RYR1: variants seen among roughly 807,000 people sequenced by gnomAD.
The protein encoded by RYR1 is central core disease of muscle.
RYR1 carries 342 observed loss-of-function variants against 583.5 expected under a neutral mutation model. That is an observed-to-expected ratio of 0.59 (90% confidence interval 0.54 to 0.64). The LOEUF (loss-of-function observed/expected upper bound fraction) is 0.64. Ranked by LOEUF, RYR1 falls within the 30% of genes least tolerant of loss-of-function variation. The pLI is 0.00. For synonymous variants in RYR1, 2,791 were observed against 2,822.5 expected (o/e 0.99, Z 0.35); for missense variants, 6,032 against 6,917.2 (o/e 0.87, Z 4.54).
At chr19:38,464,834 G>A (rs1041792972) in intron 23 of RYR1, 112 bp downstream of exon 23, 19 of 909,568 alleles carry the variant, frequency 2.1e-5, no homozygotes, top group Admixed American at 8.1e-5. Flanking sequence ...TAGGGAGGAA[G>A]GAGACTTGGG....
chr19:38,511,757 T>A, intron 61 of RYR1, 147 bp downstream of exon 61: 2 of 1,026,690 alleles, frequency 1.9e-6, no homozygotes, highest in Non-Finnish European at 3.0e-6. Flanking sequence ...ATCCGGGGGG[T>A]AGGGCAGTGA....
intron 29 of RYR1, 148 bp downstream of exon 29, chr19:38,475,598 C>T (rs1218320931): frequency 9.6e-7 from 1 of 1,037,804 alleles, no homozygotes; most frequent in African/African-American, 1.6e-5. Flanking sequence ...AAATATGGCA[C>T]ACACAGATTT....
At position 38,543,873 on chromosome 19, in the gene RYR1, C is replaced by G. The variant is rs1972311901; in HGVS notation, c.12010C>G (p.Gln4004Glu). ...CGCCCACATGATGATGAAGCTCGCT[C>G]AGGTTCGAGCCCCTCTGGTCTCCAT... ...VFAHMMMKLA[Q>E]DSSQIELLKE... Residue 4004 changes from glutamine to glutamate, a missense_variant and splice_region_variant, in exon 87 of 106, where the codon CAG becomes GAG. Physicochemically the swap from Gln to Glu is conservative, Grantham distance 29. Coordinates refer to ENST00000359596, the MANE Select transcript of RYR1 (RefSeq NM_000540.3). The surrounding 1 kb of genome is among the most constrained non-coding windows in gnomAD (Gnocchi z 4.4). 6.2e-7 allele frequency: 1 copy of G among 1,612,706 alleles called. No homozygotes were observed. Among genetic ancestry groups the G allele is most frequent in the Non-Finnish European group, 8.5e-7 (1 of 1,179,844 alleles).
chr19:38,497,721 C>G (rs1017038238), intron 42 of RYR1, among the ~76,000 whole-genome samples: 4 of 152,150 alleles, frequency 2.6e-5, no homozygotes, highest in African/African-American at 9.7e-5. Context: ...CATCTATAAT[C>G]CCAGCACTTT....
In RYR1 at chr19:38,565,090, G is replaced by A; in HGVS notation, c.12756G>A (p.Glu4252=). 1 of 1,552,410 alleles carries A rather than the reference G, an allele frequency of 6.4e-7. No homozygotes were observed. The highest frequency in any genetic ancestry group is 8.7e-7 in the Non-Finnish European group (1 of 1,151,316). The change falls in exon 91 of 106, where the codon GAG becomes GAA. Residue 4252 remains glutamate, a synonymous_variant. Coordinates refer to ENST00000359596, the MANE Select transcript of RYR1 (RefSeq NM_000540.3). This position sits in a 1 kb window ranked among gnomAD's most constrained non-coding sequence, Gnocchi z 4.7. ...FEMQIAAQIS[E]PEGEPETDED... ...TGCAGATCGCCGCGCAGATCTCGGA[G>A]CCCGAGGGCGAGCCGGAGACCGACG...
At chr19:38,548,442 G>T (rs770452959) in intron 89 of RYR1, 22 bp downstream of exon 89, 2 of 1,609,888 alleles carry the variant, frequency 1.2e-6, no homozygotes. Flanking sequence ...ACATCGTGTG[G>T]GCCCAGGACT....
In RYR1 at chr19:38,504,158, C is replaced by T. The variant is rs1209957215; in HGVS notation, c.7927-62C>T. The T allele has an allele frequency of 1.9e-5, 29 of 1,551,082 alleles. No individual in the cohort carries two copies. In the Middle Eastern group the frequency reaches 5.3e-4, roughly 28 times the overall value. ...GCATGCCTGTGTCTCTCTGGGCCTT[C>T]GTCTGCCTGCCATTCGCTGGTGCCC... On this transcript the variant is annotated intron_variant, in intron 49 of 105. Transcript: ENST00000359596.
rs766913515 is a variant in RYR1, at chr19:38,504,889, C to A, written c.8209C>A (p.Pro2737Thr). Residue 2737 changes from proline (P) to threonine (T), a missense_variant, in exon 51 of 106, where the codon CCC becomes ACC. This residue lies in a region of RYR1 where 1,493 missense variants were observed against 1,715.5 expected (regional missense o/e 0.87). Transcript: ENST00000359596. ...ATVDAEGNFDPRPVETLNVII... is the reference protein window; with the variant it reads ...ATVDAEGNFDTRPVETLNVII... ...AGTGGATGCTGAAGGCAACTTTGAT[C>A]CCCGGCCTGTGGAGACCCTCAAGTG... The A allele has an allele frequency of 6.2e-7, 1 of 1,614,004 alleles. No individual in the cohort carries two copies. The highest frequency in any genetic ancestry group is 2.2e-5 in the East Asian group (1 of 44,876).
chr19:38,463,335 A>T, intron 20 of RYR1, 88 bp from the exon 21 acceptor site: 1 of 1,129,440 alleles, frequency 8.9e-7, no homozygotes, highest in Non-Finnish European at 1.3e-6. Flanking sequence ...GGAGCCTCCC[A>T]GGGCTCACAG....
Position 38,528,289 on chromosome 19 carries a change from T to C in RYR1, c.10825-17T>C, listed in dbSNP as rs2145722342. 6.2e-7 allele frequency: 1 copy of C among 1,607,030 alleles called. No homozygotes were observed. On this transcript the variant is annotated splice_polypyrimidine_tract_variant and intron_variant, in intron 73 of 105. Transcript: ENST00000359596. The stretch of plus-strand genomic sequence containing the variant: ...GCAGGGTCTGGGGATGTGACTGTCC[T>C]GCTATCCCCTCCCCAGACCGAGCAC...
chr19:38,535,404 T>C lies in RYR1; in HGVS notation c.11516+12T>C, dbSNP rs756418815. The C allele has an allele frequency of 3.7e-6, 6 of 1,606,680 alleles. No homozygotes were observed. The highest frequency in any genetic ancestry group is 3.3e-5 in the Admixed American group (2 of 59,988). On this transcript the variant is annotated intron_variant, in intron 81 of 105. Coordinates refer to ENST00000359596, the MANE Select transcript of RYR1 (RefSeq NM_000540.3). ...ATGCAAACATGCAGGTAGGTTCGAGTGGACCTCTTCTTGTTAAGCTGTGTT... is the reference window on the plus strand; with the variant it reads ...ATGCAAACATGCAGGTAGGTTCGAGCGGACCTCTTCTTGTTAAGCTGTGTT...
intron 19 of RYR1, among the ~76,000 whole-genome samples, chr19:38,459,560 T>C (rs1254698802): frequency 6.6e-6 from 1 of 152,150 alleles, no homozygotes; most frequent in Non-Finnish European, 1.5e-5. Context: ...GTCCTTCCAG[T>C]AACCTCTGAG....
rs1199015511 is a variant in RYR1, at chr19:38,499,490, A to G, written c.7028-145A>G. ...AGAGGTGTTGGGTCCTGGGGCTGGC[A>G]GGGGCCTGGTGTTACCTCTGGAGGT... On this transcript the variant is annotated intron_variant, in intron 43 of 105. Coordinates refer to ENST00000359596, the MANE Select transcript of RYR1 (RefSeq NM_000540.3). The surrounding 1 kb of genome is among the most constrained non-coding windows in gnomAD (Gnocchi z 7.3). 6 of 972,506 alleles carry G rather than the reference A, an allele frequency of 6.2e-6. 1 individual carries two copies. In the Admixed American group the frequency reaches 1.3e-4, roughly 22 times the overall value. 60.2% of individuals were successfully genotyped at this position (972,506 alleles called of 1,614,324 possible).
chr19:38,535,488 TC>T, intron 81 of RYR1, 96 bp downstream of exon 81: 1 of 947,558 alleles, frequency 1.1e-6, no homozygotes, highest in Non-Finnish European at 1.7e-6. Flanking sequence ...GCTCTTTCAG[TC>T]CAGGGAAAGA....
chr19:38,459,320 G>C lies in RYR1; in HGVS notation c.2342G>C (p.Ser781Thr). The C allele has an allele frequency of 6.2e-7, 1 of 1,614,058 alleles. No homozygotes were observed. Among genetic ancestry groups the C allele is most frequent in the Non-Finnish European group, 8.5e-7 (1 of 1,180,016 alleles). Residue 781 changes from serine to threonine, a missense_variant, in exon 19 of 106, where the codon AGC becomes ACC. This residue lies in a region of RYR1 where 2,627 missense variants were observed against 2,961.3 expected (regional missense o/e 0.89). Transcript: ENST00000359596. ...GACGGGCTCTTCTTCCCTGTTGTCA[G>C]CTTCTCGGCTGGTGTCAAGTGAGAA... Reference protein sequence around the residue: ...NLDGLFFPVVSFSAGVKVRFL... With the variant: ...NLDGLFFPVVTFSAGVKVRFL...
intron 27 of RYR1, among the ~76,000 whole-genome samples, chr19:38,472,092 C>G (rs997446509): frequency 4.6e-5 from 7 of 151,664 alleles, no homozygotes; most frequent in African/African-American, 1.7e-4. Flanking sequence ...TTTTGAGAGT[C>G]CATTGTTTTT....
At position 38,443,773 on chromosome 19, in the gene RYR1, T is replaced by C; in HGVS notation, c.401T>C (p.Val134Ala). The change falls in exon 5 of 106, where the codon GTG becomes GCG. Residue 134 changes from valine (V) to alanine (A), a missense_variant. Val to Ala is a moderately conservative substitution (Grantham distance 64). Coordinates refer to ENST00000359596, the MANE Select transcript of RYR1 (RefSeq NM_000540.3). ...ATGACTGACAAGCTGGCCTTCGATG[T>C]GGGACTGCAGGAGGACGCAACAGGT... ...RSMTDKLAFDVGLQEDATGEA... is the reference protein window; with the variant it reads ...RSMTDKLAFDAGLQEDATGEA... 2 of 1,614,092 alleles carry C rather than the reference T, an allele frequency of 1.2e-6. No individual in the cohort carries two copies. Among genetic ancestry groups the C allele is most frequent in the Non-Finnish European group, 1.7e-6 (2 of 1,179,996 alleles).
chr19:38,516,139 G>A lies in RYR1; in HGVS notation c.9607G>A (p.Val3203Met), dbSNP rs778874327. 1 of 1,552,194 alleles carries A rather than the reference G, an allele frequency of 6.4e-7. No homozygotes were observed. ...GGCCCGTCTGGCAGCAGCCATGCCG[G>A]TGGCGTTCCTGGAGCCGCAGCTGAA... Reference protein sequence around the residue: ...CLARLAAAMPVAFLEPQLNEY... With the variant: ...CLARLAAAMPMAFLEPQLNEY... The change falls in exon 65 of 106, where the codon GTG (valine) becomes ATG (methionine). Residue 3203 changes from valine to methionine, a missense_variant. Physicochemically the swap from Val to Met is conservative, Grantham distance 21. This residue lies in a region of RYR1 where 1,493 missense variants were observed against 1,715.5 expected (regional missense o/e 0.87). Transcript: ENST00000359596.
Position 38,531,246 on chromosome 19 carries a change from T to C in RYR1, c.11142-1244T>C, listed in dbSNP as rs532899920. ...GTGATGAAGAATTTGAGCATCCCAT[T>C]TTGCATCCTGTGGGAGAGCGATGGC... On this transcript the variant is annotated intron_variant, in intron 76 of 105. Transcript: ENST00000359596. Among the ~76,000 whole-genome samples, 10 of 152,124 alleles carry C rather than the reference T, an allele frequency of 6.6e-5. No homozygotes were observed. The South Asian group carries it at 2.1e-3, about 32-fold the overall frequency.
Sources: allele counts gnomAD v4.1 joint callset (sites outside exome capture counted in the v4.1 genomes callset), GRCh38; gene constraint gnomAD v4.1.1; regional missense constraint gnomAD v4.1.1; non-coding constraint Gnocchi (gnomAD v3.1); transcripts MANE v1.5; gene names NCBI Gene and HGNC (gene_info 2026-07-23, HGNC 2026-07-21).